NCKAP5: variants seen among roughly 807,000 people sequenced by gnomAD.
NCKAP5 encodes nck-associated protein 5.
NCKAP5 carries 92 observed loss-of-function variants against 167.0 expected under a neutral mutation model. That is an observed-to-expected ratio of 0.55 (90% CI 0.47 to 0.66). The LOEUF (loss-of-function observed/expected upper bound fraction) is 0.66. Among genes scored for constraint, NCKAP5 ranks in the 30% least tolerant of loss-of-function variants. The pLI is 0.00. For synonymous variants in NCKAP5, 891 were observed against 877.4 expected (o/e 1.02, Z -0.27); for missense variants, 2,378 against 2,315.0 (o/e 1.03, Z -0.56).
chr2:133,295,862 T>C (rs547713009), intron 4 of NCKAP5, among the ~76,000 whole-genome samples: 1 of 152,340 alleles, frequency 6.6e-6, no homozygotes, highest in East Asian at 1.9e-4. Context: ...TGCATTCAGA[T>C]TTTGTCATTT....
chr2:132,812,836 G>A (rs1685985405), intron 11 of NCKAP5, among the ~76,000 whole-genome samples: 1 of 152,130 alleles, frequency 6.6e-6, no homozygotes, highest in African/African-American at 2.4e-5. Context: ...GTCTGCGGAG[G>A]GCCTATTTTC....
At chr2:133,089,854 A>G (rs780349181) in intron 6 of NCKAP5, among the ~76,000 whole-genome samples, 2 of 152,188 alleles carry the variant, frequency 1.3e-5, no homozygotes, top group Non-Finnish European at 2.9e-5. Flanking sequence ...TAAGCTTTCA[A>G]TATATTGCTA....
the NCKAP5 span, among the ~76,000 whole-genome samples, chr2:133,646,274 A>G: frequency 6.6e-6 from 1 of 152,130 alleles, no homozygotes; most frequent in East Asian, 1.9e-4. Flanking sequence ...CCACAGACCA[A>G]TAAAAATAAA....
chr2:132,876,848 C>T (rs553888769), intron 9 of NCKAP5, among the ~76,000 whole-genome samples: 51 of 152,234 alleles, frequency 3.4e-4, no homozygotes, highest in Non-Finnish European at 5.9e-4. Flanking sequence ...ATGAAACGTA[C>T]GGAGTGCAGG....
chr2:133,376,252 A>G (rs1686136896), intron 3 of NCKAP5, among the ~76,000 whole-genome samples: 1 of 152,236 alleles, frequency 6.6e-6, no homozygotes, highest in South Asian at 2.1e-4. Flanking sequence ...AGACCATGTT[A>G]TCAGAAATTG....
chr2:132,958,956 G>A (rs1243274627), intron 8 of NCKAP5, among the ~76,000 whole-genome samples: 1 of 150,596 alleles, frequency 6.6e-6, no homozygotes, highest in African/African-American at 2.4e-5. Flanking sequence ...GCCCACTGGG[G>A]TGGGGACCAA....
rs1388284350 is a variant in NCKAP5 at position 132,784,620 on chromosome 2, AAGT to A, written c.2188_2190del (p.Thr730del). 6.2e-7 allele frequency: 1 copy of A among 1,610,388 alleles called. No homozygotes were observed. Among genetic ancestry groups the A allele is most frequent in the Non-Finnish European group, 8.5e-7 (1 of 1,178,184 alleles). On this transcript the variant is annotated inframe_deletion, in exon 14 of 20. Transcript: ENST00000409261. ...GTGTCCTCTTCAGACCTTTTAAAGA[AAGT>A]ATAGTCTCTTGCAGCAGCTCTTGGC...
chr2:133,121,207 T>C lies in NCKAP5; in HGVS notation c.341+8771A>G, dbSNP rs543846174. ...AGGAAACTCTACAGGTCCAATATTA[T>C]AGGTCTTTAACGCATAAAATATGAA... On this transcript the variant is annotated intron_variant, in intron 6 of 19. Coordinates refer to ENST00000409261, the MANE Select transcript of NCKAP5 (RefSeq NM_207363.3). 4.1e-4 allele frequency among the ~76,000 whole-genome samples: 62 copies of C among 152,240 alleles called. No homozygotes were observed. In the South Asian group the frequency reaches 7.0e-3, roughly 17 times the overall value.
At chr2:133,594,750 A>G in the NCKAP5 span, among the ~76,000 whole-genome samples, 2,029 of 152,320 alleles carry the variant, frequency 0.013, 24 homozygotes, top group Non-Finnish European at 0.018. Context: ...TTTGATACAA[A>G]GTTTAAAAGG....
intron 12 of NCKAP5, among the ~76,000 whole-genome samples, chr2:132,793,952 G>C (rs1009165136): frequency 3.3e-5 from 5 of 151,896 alleles, no homozygotes; most frequent in Admixed American, 3.3e-4. Flanking sequence ...TTATCACATA[G>C]GATTATCTAC....
chr2:133,547,776 G>A (rs1010971728), intron 2 of NCKAP5, among the ~76,000 whole-genome samples: 2 of 149,720 alleles, frequency 1.3e-5, no homozygotes, highest in Admixed American at 1.3e-4. Context: ...CAAAGATGGG[G>A]AAAAAGCAGA....
intron 19 of NCKAP5, among the ~76,000 whole-genome samples, chr2:132,684,354 T>C (rs1248709231): frequency 6.6e-6 from 1 of 152,244 alleles, no homozygotes; most frequent in Non-Finnish European, 1.5e-5. Context: ...ATGTTTGCTT[T>C]TGATTTTCTT....
chr2:133,275,891 C>T (rs2089706095), intron 4 of NCKAP5, among the ~76,000 whole-genome samples: 1 of 151,208 alleles, frequency 6.6e-6, no homozygotes, highest in Non-Finnish European at 1.5e-5. Flanking sequence ...AACAGTTGAC[C>T]CTTAAACAAC....
At chr2:133,030,276 T>C (rs562030245) in intron 6 of NCKAP5, among the ~76,000 whole-genome samples, 23 of 152,162 alleles carry the variant, frequency 1.5e-4, no homozygotes, top group Non-Finnish European at 3.2e-4. Context: ...GCACCTGTTC[T>C]TAGGGTGATG....
intron 8 of NCKAP5, among the ~76,000 whole-genome samples, chr2:132,908,468 G>A (rs1439732615): frequency 1.3e-5 from 2 of 152,148 alleles, no homozygotes; most frequent in Non-Finnish European, 2.9e-5. Flanking sequence ...CTTCCAAAAG[G>A]ATATTATTCT....
At chr2:133,182,231 G>A (rs1392234502) in intron 5 of NCKAP5, among the ~76,000 whole-genome samples, 1 of 152,094 alleles carries the variant, frequency 6.6e-6, no homozygotes, top group Non-Finnish European at 1.5e-5. Flanking sequence ...CACAACAATA[G>A]CATTAACCAA....
At chr2:133,012,630 T>C (rs2078201034) in intron 6 of NCKAP5, among the ~76,000 whole-genome samples, 1 of 152,096 alleles carries the variant, frequency 6.6e-6, no homozygotes, top group Admixed American at 6.5e-5. Flanking sequence ...GGCCACCCCT[T>C]CCCTCCTGAA....
intron 11 of NCKAP5, among the ~76,000 whole-genome samples, chr2:132,827,223 TA>T (rs1687190426): frequency 6.6e-6 from 1 of 152,164 alleles, no homozygotes; most frequent in Admixed American, 6.5e-5. Context: ...TTTTTTAATT[TA>T]AAAAAGAGCA....
the NCKAP5 span, among the ~76,000 whole-genome samples, chr2:133,576,707 T>C: frequency 6.6e-6 from 1 of 152,192 alleles, no homozygotes. Flanking sequence ...ACTAAGATTG[T>C]ACAGAACTGG....
Sources: gnomAD v4.1 joint callset for allele counts (sites outside exome capture counted in the v4.1 genomes callset) on GRCh38, gnomAD v4.1.1 for gene constraint, MANE v1.5 for transcripts, NCBI Gene and HGNC (gene_info 2026-07-23, HGNC 2026-07-21) for gene names.